PCDHGA4: variants seen among roughly 807,000 people sequenced by gnomAD.
PCDHGA4 encodes protocadherin gamma subfamily A, 4.
Under a neutral mutation model 54.6 loss-of-function variants are expected in PCDHGA4, and 38 were observed. That is an observed-to-expected ratio of 0.70 (90% CI 0.54 to 0.91). The LOEUF is 0.91. Among genes scored for constraint, PCDHGA4 ranks in the 40% least tolerant of loss-of-function variants. The pLI, the probability that PCDHGA4 is intolerant of heterozygous loss-of-function variation, is 0.00. For missense variants in PCDHGA4, 1,298 were observed against 1,220.9 expected, an observed-to-expected ratio of 1.06 and a Z score of -0.94; for synonymous variants, 511 against 512.9, an observed-to-expected ratio of 1.00 and a Z score of 0.05.
At chr5:141,423,674 C>T (rs57195665) in intron 1 of PCDHGA4, 3 of 1,514,742 alleles carry the variant, frequency 2.0e-6, no homozygotes, top group African/African-American at 1.5e-5. Context: ...AGATTTATTT[C>T]TCTGCCTCCT....
intron 1 of PCDHGA4, chr5:141,400,049 C>G (rs1242848324): frequency 6.2e-7 from 1 of 1,613,572 alleles, no homozygotes; most frequent in Non-Finnish European, 8.5e-7. Context: ...CTGCTGGTTG[C>G]TGTGCGTGAT....
chr5:141,360,976 T>C (rs1761825679), intron 1 of PCDHGA4: 2 of 1,613,684 alleles, frequency 1.2e-6, no homozygotes, highest in South Asian at 2.2e-5. Flanking sequence ...CACCTACTCC[T>C]TTCATAATGT....
chr5:141,408,079 A>C (rs1176059527), intron 1 of PCDHGA4: 13 of 1,407,872 alleles, frequency 9.2e-6, no homozygotes, highest in Non-Finnish European at 1.1e-5. Context: ...CTTTCCCAGC[A>C]CAGCGGATTG....
Position 141,487,632 on chromosome 5 carries a change from C to G in PCDHGA4, c.2515-7175C>G, listed in dbSNP as rs374506603. The G allele has an allele frequency of 6.2e-7, 1 of 1,614,186 alleles. No homozygotes were observed. Among genetic ancestry groups the G allele is most frequent in the East Asian group, 2.2e-5 (1 of 44,888 alleles). On this transcript the variant is annotated intron_variant, in intron 1 of 3. Coordinates refer to ENST00000571252, the MANE Select transcript of PCDHGA4 (RefSeq NM_018917.4). The surrounding 1 kb of genome is among the most constrained non-coding windows in gnomAD (Gnocchi z 5.0). ...GGGCTAGAGGTGAGACCTTTGCAGG[C>G]TCAACAAATGCTTGAGGGTTATTCT... is the stretch of plus-strand genomic sequence containing the variant.
At chr5:141,393,494 C>T (rs750216965) in intron 1 of PCDHGA4, 16 of 1,613,946 alleles carry the variant, frequency 9.9e-6, no homozygotes, top group Non-Finnish European at 1.3e-5. Flanking sequence ...GCACAGTGCG[C>T]ATCCACGTGA....
intron 1 of PCDHGA4, chr5:141,362,464 G>T: frequency 1.9e-6 from 3 of 1,614,038 alleles, no homozygotes; most frequent in Middle Eastern, 3.3e-4. Context: ...ATTGGTTCCC[G>T]CGCAAGATCT....
intron 1 of PCDHGA4, chr5:141,393,501 G>C (rs754946327): frequency 1.9e-6 from 3 of 1,614,044 alleles, no homozygotes; most frequent in Non-Finnish European, 2.5e-6. Flanking sequence ...GCGCATCCAC[G>C]TGACAGTGTT....
At chr5:141,411,631 C>G (rs570915798) in intron 1 of PCDHGA4, 1 of 151,812 alleles carries the variant, frequency 6.6e-6, no homozygotes, top group South Asian at 2.1e-4. Context: ...TGCTGTAATC[C>G]CAGCACTTTG....
chr5:141,471,964 T>C lies in PCDHGA4; in HGVS notation c.2515-22843T>C, dbSNP rs138170906. Among the ~76,000 whole-genome samples, 591 of 152,278 alleles carry C rather than the reference T, an allele frequency of 3.9e-3. 6 individuals are homozygous for C. Among genetic ancestry groups the C allele is most frequent in the Admixed American group, 0.011 (171 of 15,292 alleles). On this transcript the variant is annotated intron_variant, in intron 1 of 3. Transcript: ENST00000571252. ...TCTAAAACTGGATTGTGGGGTTGGT[T>C]GCATTACTGTATAAATTTATTAAAA...
At chr5:141,382,378 C>A (rs1160680038) in intron 1 of PCDHGA4, among the ~76,000 whole-genome samples, 1 of 152,098 alleles carries the variant, frequency 6.6e-6, no homozygotes, top group Non-Finnish European at 1.5e-5. Context: ...TTTTTGCCTT[C>A]AATAACTGAT....
chr5:141,445,623 A>G (rs2098472971), intron 1 of PCDHGA4, among the ~76,000 whole-genome samples: 1 of 152,172 alleles, frequency 6.6e-6, no homozygotes, highest in South Asian at 2.1e-4. Flanking sequence ...TTTTTTTCGG[A>G]AAGTGATATT....
chr5:141,505,371 C>T (rs2099845827), intron 2 of PCDHGA4, 22 bp from the exon 3 acceptor site: 4 of 1,613,980 alleles, frequency 2.5e-6, no homozygotes, highest in Non-Finnish European at 3.4e-6. Context: ...AGTCTGTGCT[C>T]ACCATCCTAC....
rs749007839 is a variant in PCDHGA4 at position 141,418,069 on chromosome 5, G to A, written c.2514+60448G>A. On this transcript the variant is annotated intron_variant, in intron 1 of 3. Coordinates refer to ENST00000571252, the MANE Select transcript of PCDHGA4 (RefSeq NM_018917.4). ...CGGCTCGCGAGCTGCGAGTGAGCGC[G>A]GAGAAGCTGCACTTCAGCGTAGACG... 1.7e-5 allele frequency: 28 copies of A among 1,613,926 alleles called. 1 individual carries two copies. The Middle Eastern group carries it at 9.9e-4, about 57-fold the overall frequency.
rs1329222262 is a variant in PCDHGA4, at chr5:141,355,353, C to A, written c.246C>A (p.Asp82Glu). 6.2e-7 allele frequency: 1 copy of A among 1,614,006 alleles called. No homozygotes were observed. Among genetic ancestry groups the A allele is most frequent in the Non-Finnish European group, 8.5e-7 (1 of 1,179,912 alleles). Residue 82 changes from aspartate (D) to glutamate (E), a missense_variant, in exon 1 of 4, where the codon GAC (aspartate) becomes GAA (glutamate). Asp to Glu is a conservative substitution (Grantham distance 45). Transcript: ENST00000571252. ...EGSVVGNIAK[D>E]LGLAPRELAE... ...CAGTGGTGGGCAACATCGCCAAGGA[C>A]CTGGGGTTGGCGCCCCGGGAGCTGG...
chr5:141,492,833 C>T (rs951935267), intron 1 of PCDHGA4, among the ~76,000 whole-genome samples: 2 of 152,222 alleles, frequency 1.3e-5, no homozygotes, highest in African/African-American at 4.8e-5. Flanking sequence ...CCCTTCCTCC[C>T]GCAGGAAGTG....
intron 1 of PCDHGA4, chr5:141,414,301 C>A (rs199806270): frequency 1.1e-5 from 18 of 1,613,280 alleles, no homozygotes; most frequent in Non-Finnish European, 1.7e-6. Flanking sequence ...TTTAAATGTG[C>A]ATGATTTAGA....
intron 1 of PCDHGA4, chr5:141,405,524 A>T (rs1430059160): frequency 7.4e-6 from 5 of 677,158 alleles, no homozygotes; most frequent in Non-Finnish European, 1.2e-5. Context: ...AATTCAAGCG[A>T]TTCTCCTGCC....
intron 1 of PCDHGA4, chr5:141,414,493 GCT>G: frequency 6.2e-7 from 1 of 1,613,950 alleles, no homozygotes; most frequent in Non-Finnish European, 8.5e-7. Context: ...ATCAACGGAA[GCT>G]CACTTTATGC....
chr5:141,409,178 G>A, intron 1 of PCDHGA4: 1 of 1,613,994 alleles, frequency 6.2e-7, no homozygotes, highest in Non-Finnish European at 8.5e-7. Context: ...GGACGGAGGT[G>A]GTCTCTCTAC....
Sources: gnomAD v4.1 joint callset for allele counts (sites outside exome capture counted in the v4.1 genomes callset) on GRCh38, gnomAD v4.1.1 for gene constraint, Gnocchi (gnomAD v3.1) non-coding constraint, MANE v1.5 for transcripts, NCBI Gene and HGNC (gene_info 2026-07-23, HGNC 2026-07-21) for gene names.